UNC13C: variants seen among roughly 807,000 people sequenced by gnomAD.
The protein encoded by UNC13C is protein unc-13 homolog C.
A neutral mutation model predicts 245.4 loss-of-function variants in UNC13C; 174 were observed. That is an observed-to-expected ratio of 0.71 (90% CI 0.63 to 0.80). The LOEUF (loss-of-function observed/expected upper bound fraction) is 0.80, where lower values mean the gene tolerates loss of function less well. UNC13C is among the 30% of genes least tolerant of loss of function. The pLI, the probability that UNC13C is intolerant of heterozygous loss-of-function variation, is 0.00. For synonymous variants in UNC13C, 992 were observed against 895.1 expected (o/e 1.11, Z -1.93); for missense variants, 2,829 against 2,602.9 (o/e 1.09, Z -1.89).
At chr15:53,904,499 A>T in the UNC13C span, among the ~76,000 whole-genome samples, 5 of 152,074 alleles carry the variant, frequency 3.3e-5, no homozygotes, top group Admixed American at 6.6e-5. Context: ...GAAAAAAACC[A>T]TTGTTTTAGT....
At chr15:54,630,241 G>A (rs1426126358), downstream of UNC13C, 1 of 152,116 alleles carries the variant, frequency 6.6e-6, no homozygotes, top group African/African-American at 2.4e-5. Flanking sequence ...GCTATTCGAA[G>A]GAATTTGAAT....
chr15:53,842,784 C>T, the UNC13C span, among the ~76,000 whole-genome samples: 1,014 of 151,928 alleles, frequency 6.7e-3, 6 homozygotes, highest in Non-Finnish European at 9.5e-3. Context: ...TTTCCTCAAA[C>T]TATAGTAGCT....
At chr15:54,476,922 G>GA (rs1339112747) in intron 19 of UNC13C, among the ~76,000 whole-genome samples, 3 of 150,030 alleles carry the variant, frequency 2.0e-5, no homozygotes, top group African/African-American at 7.4e-5. Context: ...TCATGATATT[G>GA]ATTCTTCCTA....
intron 17 of UNC13C, among the ~76,000 whole-genome samples, chr15:54,344,922 C>A (rs575462059): frequency 2.7e-5 from 4 of 147,886 alleles, no homozygotes; most frequent in African/African-American, 1.0e-4. Flanking sequence ...ACCCCATCAT[C>A]TTATGTCTGT....
the UNC13C span, among the ~76,000 whole-genome samples, chr15:53,925,681 C>G: frequency 1.3e-5 from 2 of 152,158 alleles, no homozygotes; most frequent in Non-Finnish European, 2.9e-5. Flanking sequence ...GTCTAGCTGC[C>G]TCATTTAATC....
chr15:54,361,629 G>T (rs7342606), intron 17 of UNC13C, among the ~76,000 whole-genome samples: 1 of 151,900 alleles, frequency 6.6e-6, no homozygotes, highest in Non-Finnish European at 1.5e-5. Flanking sequence ...GTATTCTTTG[G>T]TGGTATTAGA....
At chr15:54,107,085 G>C (rs371615591) in intron 2 of UNC13C, among the ~76,000 whole-genome samples, 213 of 152,256 alleles carry the variant, frequency 1.4e-3, no homozygotes, top group Middle Eastern at 3.4e-3. Flanking sequence ...TTTTTGTGTA[G>C]AACCATATCA....
At chr15:53,955,138 T>C in the UNC13C span, among the ~76,000 whole-genome samples, 6 of 152,290 alleles carry the variant, frequency 3.9e-5, no homozygotes, top group South Asian at 4.1e-4. Flanking sequence ...TACATTTTGA[T>C]TGCAAGCTAT....
intron 2 of UNC13C, among the ~76,000 whole-genome samples, chr15:54,033,987 G>C (rs1234376848): frequency 6.6e-6 from 1 of 152,218 alleles, no homozygotes; most frequent in Non-Finnish European, 1.5e-5. Flanking sequence ...CAAAGACAAA[G>C]AGAAAAGGAG....
intron 28 of UNC13C, among the ~76,000 whole-genome samples, chr15:54,554,085 G>C (rs1896990291): frequency 6.6e-6 from 1 of 151,912 alleles, no homozygotes; most frequent in South Asian, 2.1e-4. Context: ...GTTGTTAGCA[G>C]TATCCAAAGA....
At chr15:54,203,625 A>G (rs1350366915) in intron 4 of UNC13C, among the ~76,000 whole-genome samples, 2 of 147,926 alleles carry the variant, frequency 1.4e-5, no homozygotes, top group African/African-American at 2.5e-5. Context: ...CATTGTGTGT[A>G]TTTTATAAAA....
intron 2 of UNC13C, among the ~76,000 whole-genome samples, chr15:54,076,223 G>A (rs928101178): frequency 2.0e-5 from 3 of 149,562 alleles, no homozygotes; most frequent in East Asian, 4.0e-4. Flanking sequence ...TCGTCATCTA[G>A]CATTAGGTAT....
At chr15:54,414,127 G>T (rs936828975) in intron 18 of UNC13C, among the ~76,000 whole-genome samples, 2 of 152,182 alleles carry the variant, frequency 1.3e-5, no homozygotes, top group African/African-American at 4.8e-5. Flanking sequence ...GGAAGTTCTG[G>T]AGTACAGATT....
At chr15:54,308,046 A>G (rs2037772452) in intron 13 of UNC13C, among the ~76,000 whole-genome samples, 1 of 151,950 alleles carries the variant, frequency 6.6e-6, no homozygotes, top group Non-Finnish European at 1.5e-5. Flanking sequence ...ACAATCTAAG[A>G]ATCATAATCT....
chr15:54,374,812 A>G (rs1047176889), intron 17 of UNC13C, among the ~76,000 whole-genome samples: 7 of 152,204 alleles, frequency 4.6e-5, no homozygotes, highest in Non-Finnish European at 1.0e-4. Context: ...TGCAGCTGTC[A>G]TCTTCACAAC....
intron 19 of UNC13C, among the ~76,000 whole-genome samples, chr15:54,486,250 A>AAAAC (rs1893399505): frequency 7.6e-6 from 1 of 131,996 alleles, no homozygotes; most frequent in Non-Finnish European, 1.6e-5. Context: ...GATCTATTAA[A>AAAAC]ACACACACAC....
the UNC13C span, among the ~76,000 whole-genome samples, chr15:53,870,461 C>T: frequency 7.3e-6 from 1 of 137,826 alleles, no homozygotes. Context: ...TGGAGATATC[C>T]TGGACCATGT....
At chr15:53,865,449 T>C in the UNC13C span, among the ~76,000 whole-genome samples, 1 of 152,198 alleles carries the variant, frequency 6.6e-6, no homozygotes, top group Non-Finnish European at 1.5e-5. Context: ...CTTGACCTTT[T>C]TTGTGTGCAT....
intron 30 of UNC13C, among the ~76,000 whole-genome samples, chr15:54,608,306 C>T (rs1033962818): frequency 6.6e-6 from 1 of 152,140 alleles, no homozygotes; most frequent in Non-Finnish European, 1.5e-5. Flanking sequence ...CCAGTGTCAC[C>T]TCATTTTGTC....
Sources: allele counts gnomAD v4.1 joint callset (sites outside exome capture counted in the v4.1 genomes callset), GRCh38; gene constraint gnomAD v4.1.1; transcripts MANE v1.5; gene names NCBI Gene and HGNC (gene_info 2026-07-23, HGNC 2026-07-21).